The following IRAG1 variants were observed in gnomAD, a reference collection of about 807,000 sequenced individuals.
IRAG1 encodes inositol 1,4,5-triphosphate receptor associated 1.
IRAG1 carries 62 observed loss-of-function variants against 106.2 expected under a neutral mutation model. The observed-to-expected ratio is 0.58, with a 90% CI of 0.48 to 0.72. The LOEUF is 0.72. Among genes scored for constraint, IRAG1 ranks in the 30% least tolerant of loss-of-function variants. IRAG1 has a pLI of 0.00. For synonymous variants in IRAG1, 462 were observed against 443.9 expected (o/e 1.04, Z -0.51); for missense variants, 1,064 against 1,140.7 (o/e 0.93, Z 0.97).
At chr11:10,586,634 TCTCGAACTCCTGGC>T (rs568805864) in intron 18 of IRAG1, among the ~76,000 whole-genome samples, 4 of 152,244 alleles carry the variant, frequency 2.6e-5, no homozygotes, top group African/African-American at 9.6e-5. Flanking sequence ...GCCAGGCTGG[TCTCGAACTCCTGGC>T]CTCAAGTGAT....
At chr11:10,641,725 G>A (rs530157068) in intron 2 of IRAG1, among the ~76,000 whole-genome samples, 75 of 152,318 alleles carry the variant, frequency 4.9e-4, no homozygotes, top group Non-Finnish European at 8.2e-4. Flanking sequence ...TCATAGAATT[G>A]TGAAGAGGAA....
intron 1 of IRAG1, chr11:10,690,162 G>C (rs12277944): frequency 8.8e-4 from 258 of 294,188 alleles, no homozygotes; most frequent in African/African-American, 5.2e-3. Flanking sequence ...GGCTGAGGTG[G>C]GCTGATCACT....
intron 20 of IRAG1, among the ~76,000 whole-genome samples, chr11:10,578,507 T>A (rs1851061103): frequency 6.6e-6 from 1 of 152,240 alleles, no homozygotes; most frequent in African/African-American, 2.4e-5. Context: ...TGTGTGATGT[T>A]GAATCTCTTA....
In IRAG1 at chr11:10,689,385, T is replaced by A. The variant is rs115867566; in HGVS notation, c.67+4151A>T. ...TCAAATAGAGGCTTTCTCTCCTTCA[T>A]TCAAAGGAATAAAAAGAACTTAAGA... On this transcript the variant is annotated intron_variant, in intron 1 of 20. Coordinates refer to ENST00000423302, the MANE Select transcript of IRAG1 (RefSeq NM_130385.4). 5.3e-3 allele frequency among the ~76,000 whole-genome samples: 813 copies of A among 152,300 alleles called. 6 individuals carry two copies. Among genetic ancestry groups the A allele is most frequent in the African/African-American group, 0.016 (644 of 41,548 alleles).
At chr11:10,608,634 A>G (rs1399896087) in intron 11 of IRAG1, among the ~76,000 whole-genome samples, 2 of 152,220 alleles carry the variant, frequency 1.3e-5, no homozygotes, top group East Asian at 1.9e-4. Context: ...GACTATTTGT[A>G]TATCTTCTCT....
chr11:10,666,693 G>A (rs1859810667), intron 1 of IRAG1, among the ~76,000 whole-genome samples: 1 of 152,338 alleles, frequency 6.6e-6, no homozygotes, highest in Admixed American at 6.5e-5. Flanking sequence ...AGTCATTCTC[G>A]TGAAGTATTT....
intron 20 of IRAG1, 21 bp from the exon 21 acceptor site, chr11:10,576,596 G>T (rs758873889): frequency 1.9e-6 from 3 of 1,613,550 alleles, no homozygotes; most frequent in Non-Finnish European, 2.5e-6. Context: ...AAAAAAATAT[G>T]CAGAGGCTTT....
At chr11:10,601,629 A>G (rs947493559) in intron 14 of IRAG1, among the ~76,000 whole-genome samples, 7 of 152,234 alleles carry the variant, frequency 4.6e-5, no homozygotes, top group African/African-American at 1.7e-4. Flanking sequence ...AGTTGGGTCT[A>G]TTTGTAAGTC....
At chr11:10,623,685 A>C in intron 10 of IRAG1, 93 bp downstream of exon 10, 1 of 1,151,376 alleles carries the variant, frequency 8.7e-7, no homozygotes, top group South Asian at 1.3e-5. Context: ...TGAGGAAGAC[A>C]CAGGAAGTCT....
At chr11:10,635,245 A>G (rs772605857) in intron 2 of IRAG1, among the ~76,000 whole-genome samples, 3 of 152,182 alleles carry the variant, frequency 2.0e-5, no homozygotes, top group Non-Finnish European at 2.9e-5. Context: ...CCATCAACTT[A>G]AGAGGGTGCC....
At chr11:10,691,327 C>T (rs1862041089) in intron 1 of IRAG1, among the ~76,000 whole-genome samples, 1 of 152,234 alleles carries the variant, frequency 6.6e-6, no homozygotes, top group Non-Finnish European at 1.5e-5. Context: ...GGTCTCCGCC[C>T]TTGCAGGGCT....
intron 1 of IRAG1, among the ~76,000 whole-genome samples, chr11:10,687,286 C>G (rs1170987327): frequency 6.6e-6 from 1 of 152,236 alleles, no homozygotes; most frequent in African/African-American, 2.4e-5. Context: ...CGCTCTTCCA[C>G]ACCAAGAGAA....
intron 19 of IRAG1, among the ~76,000 whole-genome samples, chr11:10,580,822 C>A (rs992365829): frequency 6.6e-6 from 1 of 152,214 alleles, no homozygotes; most frequent in Non-Finnish European, 1.5e-5. Context: ...TGTGACAAAA[C>A]TGACAGGGAA....
intron 20 of IRAG1, among the ~76,000 whole-genome samples, 154 bp from the exon 21 acceptor site, chr11:10,576,729 A>G (rs929784832): frequency 6.6e-6 from 1 of 152,212 alleles, no homozygotes; most frequent in Non-Finnish European, 1.5e-5. Flanking sequence ...GCAATTGTTC[A>G]AAATACCCCA....
At chr11:10,682,691 G>C (rs542137902) in intron 1 of IRAG1, among the ~76,000 whole-genome samples, 3 of 152,242 alleles carry the variant, frequency 2.0e-5, no homozygotes, top group Non-Finnish European at 4.4e-5. Context: ...GGGTTGCAGA[G>C]TTGAGAGGCT....
chr11:10,632,085 G>C (rs754840691), intron 3 of IRAG1, 24 bp from the exon 4 acceptor site: 31 of 1,585,250 alleles, frequency 2.0e-5, no homozygotes, highest in Non-Finnish European at 2.5e-5. Flanking sequence ...CAGTCATCTT[G>C]TTCAGAAAAT....
chr11:10,681,957 A>T (rs1393415607), intron 1 of IRAG1, among the ~76,000 whole-genome samples: 2 of 151,370 alleles, frequency 1.3e-5, no homozygotes. Flanking sequence ...GGCCTGAAAA[A>T]CTCCAAGTAT....
intron 1 of IRAG1, among the ~76,000 whole-genome samples, chr11:10,680,404 G>A (rs112009775): frequency 0.36 from 29,124 of 82,004 alleles, 5,825 homozygotes; most frequent in Middle Eastern, 0.44. Flanking sequence ...AAGGAAGGAA[G>A]GAAAGAAAGG....
chr11:10,597,611 C>T (rs1201026417), intron 15 of IRAG1, among the ~76,000 whole-genome samples: 2 of 152,176 alleles, frequency 1.3e-5, no homozygotes, highest in East Asian at 3.9e-4. Flanking sequence ...TTCACCTTGG[C>T]CTCCCAAAGT....
Sources: gnomAD v4.1 joint callset for allele counts (sites outside exome capture counted in the v4.1 genomes callset) on GRCh38, gnomAD v4.1.1 for gene constraint, MANE v1.5 for transcripts, NCBI Gene and HGNC (gene_info 2026-07-23, HGNC 2026-07-21) for gene names.